Variants in FAT3 observed in about 807,000 individuals in gnomAD.
FAT3 encodes the protein protocadherin Fat 3.
A neutral mutation model predicts 310.2 loss-of-function variants in FAT3; 95 were observed. That is an observed-to-expected ratio of 0.31 (90% CI 0.26 to 0.36). FAT3 has a LOEUF of 0.36. Ranked by LOEUF, FAT3 falls within the 10% of genes least tolerant of loss-of-function variation. FAT3 has a pLI of 1.00. For missense variants in FAT3, 5,408 were observed against 5,715.6 expected (o/e 0.95, Z 1.74); for synonymous variants, 2,314 against 2,192.9 (o/e 1.06, Z -1.54).
At chr11:92,471,949 A>G (rs993875107) in intron 2 of FAT3, among the ~76,000 whole-genome samples, 1 of 126,898 alleles carries the variant, frequency 7.9e-6, no homozygotes, top group Non-Finnish European at 1.7e-5. Flanking sequence ...ATATATATAT[A>G]TATATATTCT....
At chr11:92,791,051 C>T (rs1947028418) in intron 8 of FAT3, among the ~76,000 whole-genome samples, 1 of 152,174 alleles carries the variant, frequency 6.6e-6, no homozygotes, top group Non-Finnish European at 1.5e-5. Context: ...AGTAATGTTC[C>T]ACTAAGTGCT....
intron 4 of FAT3, among the ~76,000 whole-genome samples, chr11:92,737,469 A>G (rs577300008): frequency 2.2e-4 from 33 of 152,068 alleles, no homozygotes; most frequent in Non-Finnish European, 3.5e-4. Flanking sequence ...CACCCAAAGC[A>G]TCTTCCTAAA....
rs187088450 is a variant in FAT3 at position 92,861,097 on chromosome 11, G to C, written c.11658+1775G>C. Among the ~76,000 whole-genome samples the C allele has an allele frequency of 1.6e-3, 249 of 152,306 alleles. 1 individual carries two copies. The highest frequency in any genetic ancestry group is 5.7e-3 in the African/African-American group (238 of 41,554). On this transcript the variant is annotated intron_variant, in intron 21 of 27. Transcript: ENST00000525166. ...CCTTTATTTTCTTCTGGCCCCGGAA[G>C]CAGCATGCCTTGGGTCAGTAGATCA...
intron 2 of FAT3, among the ~76,000 whole-genome samples, chr11:92,412,718 T>TACATACAC (rs1473897509): frequency 7.2e-5 from 2 of 27,896 alleles, no homozygotes; most frequent in African/African-American, 1.9e-4. Flanking sequence ...TATATATATA[T>TACATACAC]ATATATATAT....
rs560331974 is a variant in FAT3, at chr11:92,867,519, C to T, written c.12127+310C>T. Among the ~76,000 whole-genome samples the T allele has an allele frequency of 1.3e-4, 20 of 152,262 alleles. No individual in the cohort carries two copies. In the South Asian group the frequency reaches 3.9e-3, roughly 30 times the overall value. On this transcript the variant is annotated intron_variant, in intron 22 of 27. Coordinates refer to ENST00000525166, the MANE Select transcript of FAT3 (RefSeq NM_001367949.2). Reference sequence around the variant, plus strand: ...GCCTTTCAAGCCAGAGGAGGTTGGGCGAATGGAACCCCCTTTTAAATATGC... The same window carrying T: ...GCCTTTCAAGCCAGAGGAGGTTGGGTGAATGGAACCCCCTTTTAAATATGC...
intron 3 of FAT3, among the ~76,000 whole-genome samples, chr11:92,686,200 G>A (rs550944426): frequency 1.3e-5 from 2 of 152,272 alleles, no homozygotes; most frequent in South Asian, 2.1e-4. Context: ...TGAGGAGCAC[G>A]TTGTAGCAGC....
chr11:92,708,086 A>G (rs1944411461), intron 4 of FAT3, among the ~76,000 whole-genome samples: 1 of 152,218 alleles, frequency 6.6e-6, no homozygotes, highest in Admixed American at 6.5e-5. Context: ...CTGAAATACC[A>G]AGAGAGTTGT....
At chr11:92,662,809 A>T (rs991369066) in intron 3 of FAT3, among the ~76,000 whole-genome samples, 2 of 152,162 alleles carry the variant, frequency 1.3e-5, no homozygotes, top group Non-Finnish European at 2.9e-5. Context: ...TTTATTCCCC[A>T]CTGGGAACTG....
At chr11:92,363,831 T>G (rs1385224445) in intron 2 of FAT3, among the ~76,000 whole-genome samples, 2 of 152,162 alleles carry the variant, frequency 1.3e-5, no homozygotes, top group Non-Finnish European at 2.9e-5. Flanking sequence ...AAAAATAATG[T>G]TTCCCTGAGG....
At chr11:92,789,866 A>G (rs1946990669) in intron 7 of FAT3, 77 bp from the exon 8 acceptor site, 6 of 1,497,892 alleles carry the variant, frequency 4.0e-6, no homozygotes, top group Non-Finnish European at 5.5e-6. Context: ...AGCGGGGAGA[A>G]AAAGAGGGAG....
chr11:92,511,005 G>T (rs924268798), intron 2 of FAT3, among the ~76,000 whole-genome samples: 1 of 152,232 alleles, frequency 6.6e-6, no homozygotes, highest in Non-Finnish European at 1.5e-5. Flanking sequence ...CCTTGCTGGC[G>T]CTTTATCTGG....
At chr11:92,501,279 T>C (rs1000083034) in intron 2 of FAT3, among the ~76,000 whole-genome samples, 17 of 152,066 alleles carry the variant, frequency 1.1e-4, no homozygotes, top group Admixed American at 2.0e-4. Flanking sequence ...TTGTAAAATA[T>C]TGCAGAGAAT....
Position 92,889,218 on chromosome 11 carries a change from A to G in FAT3, c.13081A>G (p.Asn4361Asp). Reference protein sequence around the residue: ...ASIVTVIQLVNNVVDTIENEV... With the variant: ...ASIVTVIQLVDNVVDTIENEV... ...CATAGTGACTGTCATTCAGCTTGTC[A>G]ACAATGTAGTTGACACTATAGAGAA... The change falls in exon 26 of 28, where the codon AAC becomes GAC. Residue 4361 changes from asparagine to aspartate, a missense_variant. Physicochemically the swap from Asn to Asp is conservative, Grantham distance 23. Around this residue, in one of 5 missense-constraint regions of FAT3, gnomAD observed 649 missense variants for 666.2 expected, o/e 0.97. Transcript: ENST00000525166. The G allele has an allele frequency of 1.4e-6, 1 of 714,708 alleles. No individual in the cohort carries two copies. The highest frequency in any genetic ancestry group is 2.6e-6 in the Non-Finnish European group (1 of 384,046). 44.3% of individuals were successfully genotyped at this position (714,708 alleles called of 1,614,324 possible). A position where few individuals can be genotyped will look rare whatever the true frequency, so the allele number is the denominator to read the frequency against.
intron 4 of FAT3, among the ~76,000 whole-genome samples, chr11:92,753,884 G>C (rs975878247): frequency 6.6e-6 from 1 of 151,350 alleles, no homozygotes; most frequent in African/African-American, 2.4e-5. Flanking sequence ...ATTATTCTAA[G>C]TAAAGTAACT....
rs746663826 is a variant in FAT3, at chr11:92,892,902, G to A, written c.*1789G>A. 1 of 152,098 alleles carries A rather than the reference G, an allele frequency of 6.6e-6. No individual in the cohort carries two copies. Among genetic ancestry groups the A allele is most frequent in the Non-Finnish European group, 1.5e-5 (1 of 68,026 alleles). 9.4% of individuals were successfully genotyped at this position (152,098 alleles called of 1,614,324 possible). A position where few individuals can be genotyped will look rare whatever the true frequency, so the allele number is the denominator to read the frequency against. On this transcript the variant is annotated 3_prime_UTR_variant, in exon 28 of 28. Transcript: ENST00000525166. ...AATCCAGTCCTCAAAACTGAAAGTT[G>A]ACAGGTTGAGGGACTTTCCTTTTTT...
chr11:92,654,413 TC>T, intron 3 of FAT3, among the ~76,000 whole-genome samples: 1 of 152,274 alleles, frequency 6.6e-6, no homozygotes, highest in East Asian at 1.9e-4. Context: ...ATAACAGAAT[TC>T]TTGATTTCTC....
At chr11:92,368,615 A>G (rs562826035) in intron 2 of FAT3, among the ~76,000 whole-genome samples, 124 of 152,132 alleles carry the variant, frequency 8.2e-4, no homozygotes, top group Non-Finnish European at 1.4e-3. Flanking sequence ...AGTTTTCCAC[A>G]GAGTAGCTTC....
intron 4 of FAT3, among the ~76,000 whole-genome samples, chr11:92,734,983 G>T (rs970709857): frequency 1.3e-5 from 2 of 152,056 alleles, no homozygotes; most frequent in Non-Finnish European, 2.9e-5. Context: ...GAGAAGAGAG[G>T]ATAGATTTTA....
intron 15 of FAT3, among the ~76,000 whole-genome samples, chr11:92,835,974 A>G (rs925952148): frequency 1.3e-5 from 2 of 152,272 alleles, no homozygotes; most frequent in Admixed American, 1.3e-4. Context: ...ATCTCATTGC[A>G]GGATGAGGGT....
Sources: allele counts gnomAD v4.1 joint callset (sites outside exome capture counted in the v4.1 genomes callset), GRCh38; gene constraint gnomAD v4.1.1; regional missense constraint gnomAD v4.1.1; transcripts MANE v1.5; gene names NCBI Gene and HGNC (gene_info 2026-07-23, HGNC 2026-07-21).